The following DLGAP2 variants were observed in gnomAD, a reference collection of about 807,000 sequenced individuals.
The protein encoded by DLGAP2 is DLG associated protein 2, also known as disks large-associated protein 2.
A neutral mutation model predicts 100.3 loss-of-function variants in DLGAP2; 26 were observed. The ratio of observed to expected loss-of-function variants is 0.26; its 90% CI spans 0.19 to 0.36. DLGAP2 has a LOEUF of 0.36. Among genes scored for constraint, DLGAP2 ranks in the 10% least tolerant of loss-of-function variants. The pLI is 1.00. For synonymous variants in DLGAP2, 886 were observed against 630.1 expected, an observed-to-expected ratio of 1.41 and a Z score of -6.08; for missense variants, 1,858 against 1,453.2, an observed-to-expected ratio of 1.28 and a Z score of -4.53.
intron 2 of DLGAP2, among the ~76,000 whole-genome samples, chr8:1,077,514 C>G (rs1803660609): frequency 6.6e-6 from 1 of 152,132 alleles, no homozygotes; most frequent in South Asian, 2.1e-4. Context: ...TCACTGGACC[C>G]CAATTCCATT....
At chr8:753,723 C>A (rs1015163110) in intron 1 of DLGAP2, 1 of 152,206 alleles carries the variant, frequency 6.6e-6, no homozygotes, top group East Asian at 1.9e-4. Context: ...CCAGATGGAG[C>A]CTTATCCACT....
chr8:901,541 G>A (rs1287610259), intron 1 of DLGAP2, among the ~76,000 whole-genome samples: 6 of 152,210 alleles, frequency 3.9e-5, no homozygotes, highest in Non-Finnish European at 7.3e-5. Context: ...AGAGAGGAGC[G>A]AGACGTTAAA....
At chr8:1,416,120 G>A (rs1341675085) in intron 3 of DLGAP2, among the ~76,000 whole-genome samples, 2 of 152,182 alleles carry the variant, frequency 1.3e-5, no homozygotes, top group African/African-American at 2.4e-5. Context: ...TGCTTGAGGT[G>A]CTAAAGAGAC....
At chr8:1,606,458 G>T (rs1796803111) in intron 6 of DLGAP2, among the ~76,000 whole-genome samples, 1 of 152,066 alleles carries the variant, frequency 6.6e-6, no homozygotes, top group South Asian at 2.1e-4. Flanking sequence ...CATTCTCCCT[G>T]TCGTGGCCAT....
intron 3 of DLGAP2, among the ~76,000 whole-genome samples, chr8:1,320,197 C>T (rs189553731): frequency 2.4e-4 from 37 of 151,926 alleles, no homozygotes; most frequent in Middle Eastern, 6.8e-3. Context: ...GCACTGTTTC[C>T]GGAAATGGGG....
At chr8:1,121,628 C>T (rs967507638) in intron 2 of DLGAP2, among the ~76,000 whole-genome samples, 1 of 152,036 alleles carries the variant, frequency 6.6e-6, no homozygotes, top group Admixed American at 6.5e-5. Flanking sequence ...CATCTTCATC[C>T]CTTCAGAACC....
chr8:1,072,263 C>G (rs923964374), intron 2 of DLGAP2, among the ~76,000 whole-genome samples: 10 of 152,152 alleles, frequency 6.6e-5, no homozygotes, highest in African/African-American at 2.4e-4. Flanking sequence ...CTCTCTCCAG[C>G]TTTCCACTTC....
chr8:1,695,097 G>A (rs1435876843), intron 13 of DLGAP2, among the ~76,000 whole-genome samples: 2 of 152,186 alleles, frequency 1.3e-5, no homozygotes, highest in Non-Finnish European at 2.9e-5. Context: ...CACAGTGGCC[G>A]GCCATGTTCC....
In DLGAP2 at chr8:1,493,909, G is replaced by A. The variant is rs545074929; in HGVS notation, c.107-7457G>A. Among the ~76,000 whole-genome samples the A allele has an allele frequency of 5.9e-5, 9 of 152,276 alleles. No individual in the cohort carries two copies. In the South Asian group the frequency reaches 8.3e-4, roughly 14 times the overall value. On this transcript the variant is annotated intron_variant, in intron 3 of 14. Transcript: ENST00000637795. ...TGGGGTTTTGTGTCCATTTCATTTC[G>A]AAAAAGGCCTGTACTATAAAAAGTG... is the stretch of plus-strand genomic sequence containing the variant.
chr8:1,000,476 A>C (rs1417076433), intron 2 of DLGAP2, among the ~76,000 whole-genome samples: 1 of 149,026 alleles, frequency 6.7e-6, no homozygotes, highest in South Asian at 2.2e-4. Context: ...TTTTCTCTAG[A>C]GCGGACAGAT....
chr8:1,350,608 C>T (rs372327267), intron 3 of DLGAP2, among the ~76,000 whole-genome samples: 5 of 40,452 alleles, frequency 1.2e-4, no homozygotes, highest in Admixed American at 7.9e-4. Flanking sequence ...AAAGGCCGCG[C>T]GGGTCCTGAC....
At chr8:1,358,966 G>A (rs929117245) in intron 3 of DLGAP2, among the ~76,000 whole-genome samples, 4 of 152,210 alleles carry the variant, frequency 2.6e-5, no homozygotes, top group African/African-American at 9.6e-5. Context: ...CTCTGGGCCA[G>A]CGGGTCTGAA....
chr8:1,428,742 G>A (rs1797311995), intron 3 of DLGAP2, among the ~76,000 whole-genome samples: 1 of 152,354 alleles, frequency 6.6e-6, no homozygotes, highest in East Asian at 1.9e-4. Flanking sequence ...AATGTGTCAA[G>A]TGGAAGCTTT....
At chr8:974,776 T>A (rs1312462317) in intron 2 of DLGAP2, among the ~76,000 whole-genome samples, 1 of 152,200 alleles carries the variant, frequency 6.6e-6, no homozygotes, top group Non-Finnish European at 1.5e-5. Context: ...TATTTACCAT[T>A]GAATACATAT....
chr8:1,453,827 A>G (rs1176245474), intron 3 of DLGAP2, among the ~76,000 whole-genome samples: 5 of 152,150 alleles, frequency 3.3e-5, no homozygotes, highest in Non-Finnish European at 7.3e-5. Context: ...ATGAAGAAAA[A>G]CGCCCCCTCA....
At chr8:1,510,170 T>C (rs1285291925) in intron 4 of DLGAP2, among the ~76,000 whole-genome samples, 1 of 152,220 alleles carries the variant, frequency 6.6e-6, no homozygotes, top group African/African-American at 2.4e-5. Context: ...GAGTCGGAAT[T>C]TGTCCCTGGG....
At chr8:1,108,340 A>G (rs1386473045) in intron 2 of DLGAP2, among the ~76,000 whole-genome samples, 1 of 152,204 alleles carries the variant, frequency 6.6e-6, no homozygotes, top group Non-Finnish European at 1.5e-5. Context: ...TTTCAGCATT[A>G]ATAGAACAAA....
In DLGAP2 at chr8:1,549,218, C is replaced by T. The variant is rs373372500; in HGVS notation, c.765C>T (p.Asn255=). The T allele has an allele frequency of 4.5e-5, 72 of 1,603,590 alleles. No homozygotes were observed. In the African/African-American group the frequency reaches 7.9e-4, roughly 18 times the overall value. The change falls in exon 5 of 15, where the codon AAC becomes AAT. Residue 255 remains asparagine (N), a synonymous_variant. Coordinates refer to ENST00000637795, the MANE Select transcript of DLGAP2 (RefSeq NM_001346810.2). The part of the protein sequence containing the change: ...SLEGSSKSNA[N]GTKADGRADD... The stretch of plus-strand genomic sequence containing the variant: ...AGGGCTCCTCCAAAAGCAACGCCAA[C>T]GGCACCAAGGCGGACGGCCGGGCGG...
intron 1 of DLGAP2, among the ~76,000 whole-genome samples, chr8:764,917 G>T (rs778267479): frequency 4.9e-4 from 74 of 152,274 alleles, no homozygotes; most frequent in Admixed American, 1.6e-3. Context: ...GCAAAATGAA[G>T]ATTCAAGGAG....
Sources: allele counts gnomAD v4.1 joint callset (sites outside exome capture counted in the v4.1 genomes callset), GRCh38; gene constraint gnomAD v4.1.1; transcripts MANE v1.5; gene names NCBI Gene and HGNC (gene_info 2026-07-23, HGNC 2026-07-21).